The following DLGAP4 variants were observed in gnomAD, a reference collection of about 807,000 sequenced individuals.
DLGAP4 encodes the protein disks large-associated protein 4.
A neutral mutation model predicts 86.9 loss-of-function variants in DLGAP4; 18 were observed. That is an observed-to-expected ratio of 0.21 (90% CI 0.14 to 0.31). DLGAP4 has a LOEUF of 0.31. DLGAP4 is among the 10% of genes least tolerant of loss of function. DLGAP4 has a pLI of 1.00. For synonymous variants in DLGAP4, 548 were observed against 574.3 expected, an observed-to-expected ratio of 0.95 and a Z score of 0.65; for missense variants, 1,085 against 1,362.6, an observed-to-expected ratio of 0.80 and a Z score of 3.21.
chr20:36,337,513 G>T (rs1442833003), intron 1 of DLGAP4, among the ~76,000 whole-genome samples: 3 of 152,196 alleles, frequency 2.0e-5, no homozygotes, highest in Non-Finnish European at 4.4e-5. Flanking sequence ...AGATGGGCCT[G>T]AGAGGGCTGG....
At chr20:36,320,959 G>A (rs2065162046) in intron 1 of DLGAP4, among the ~76,000 whole-genome samples, 1 of 152,196 alleles carries the variant, frequency 6.6e-6, no homozygotes, top group African/African-American at 2.4e-5. Context: ...CCCCTGTGTA[G>A]TCAGTCAGCA....
chr20:36,435,683 G>T (rs1334528812), intron 3 of DLGAP4, among the ~76,000 whole-genome samples: 1 of 152,198 alleles, frequency 6.6e-6, no homozygotes, highest in African/African-American at 2.4e-5. Context: ...CCCATTCTAG[G>T]CTCAGGCTCT....
At chr20:36,338,440 C>T (rs929610219) in intron 1 of DLGAP4, among the ~76,000 whole-genome samples, 9 of 152,156 alleles carry the variant, frequency 5.9e-5, no homozygotes, top group African/African-American at 1.9e-4. Flanking sequence ...GGTGTGGTGG[C>T]GCATGCCTGT....
chr20:36,445,440 G>C (rs986534284), intron 6 of DLGAP4, among the ~76,000 whole-genome samples: 5 of 152,114 alleles, frequency 3.3e-5, no homozygotes, highest in African/African-American at 9.7e-5. Flanking sequence ...GGAGGCGGAG[G>C]TTGCAGTGAG....
intron 1 of DLGAP4, among the ~76,000 whole-genome samples, chr20:36,358,843 G>C (rs2030423129): frequency 6.6e-6 from 1 of 152,114 alleles, no homozygotes; most frequent in Admixed American, 6.6e-5. Context: ...TAACTTGAAG[G>C]TGCTGGTCAG....
chr20:36,368,524 G>A (rs2030786094), intron 2 of DLGAP4, among the ~76,000 whole-genome samples: 1 of 152,188 alleles, frequency 6.6e-6, no homozygotes, highest in African/African-American at 2.4e-5. Context: ...ACCATGAAAA[G>A]GGCCCCATTA....
intron 1 of DLGAP4, among the ~76,000 whole-genome samples, chr20:36,311,836 C>T (rs993707421): frequency 2.0e-5 from 3 of 152,164 alleles, no homozygotes; most frequent in Admixed American, 6.5e-5. Flanking sequence ...GGGCTTTGGA[C>T]GTAAGTCAGT....
intron 2 of DLGAP4, among the ~76,000 whole-genome samples, chr20:36,426,277 G>A (rs1270836718): frequency 6.6e-6 from 1 of 152,182 alleles, no homozygotes; most frequent in African/African-American, 2.4e-5. Flanking sequence ...CACTTTGGGA[G>A]GCCAAGGCAG....
intron 2 of DLGAP4, among the ~76,000 whole-genome samples, chr20:36,388,166 C>G (rs1440861067): frequency 1.3e-5 from 2 of 152,208 alleles, no homozygotes; most frequent in African/African-American, 4.8e-5. Flanking sequence ...GGCTTGATAT[C>G]TGGTAGGACA....
chr20:36,414,441 G>T (rs1402194269), intron 2 of DLGAP4, among the ~76,000 whole-genome samples: 1 of 152,194 alleles, frequency 6.6e-6, no homozygotes, highest in Non-Finnish European at 1.5e-5. Context: ...TACCAGGGTG[G>T]TTTTTGGTAT....
rs571434642 is a variant in DLGAP4 at position 36,390,905 on chromosome 20, A to C, written c.-73+23630A>C. On this transcript the variant is annotated intron_variant, in intron 2 of 12. Transcript: ENST00000339266. Reference sequence around the variant, plus strand: ...GAGCCCTGATCCCTTCTCTAGGTTGAACCTTGACCCTGACCCCAGACTGGG... The same window carrying C: ...GAGCCCTGATCCCTTCTCTAGGTTGCACCTTGACCCTGACCCCAGACTGGG... 5.3e-5 allele frequency among the ~76,000 whole-genome samples: 8 copies of C among 152,070 alleles called. No individual in the cohort carries two copies. In the East Asian group the frequency reaches 1.5e-3, roughly 29 times the overall value.
Position 36,497,015 on chromosome 20 carries a change from G to A in DLGAP4, c.1959G>A (p.Glu653=). ...KSEQGTLTSS[E]SHPEAAPKRK... is the part of the protein sequence containing the mutation. ...AACAAGGGACGCTGACCAGCTCTGA[G>A]TCCCACCCCGAGGCCGCCCCCAAAA... The change falls in exon 8 of 13, where the codon GAG becomes GAA. Residue 653 remains glutamate, a synonymous_variant. Coordinates refer to ENST00000339266, the MANE Select transcript of DLGAP4 (RefSeq NM_001365621.2). The A allele has an allele frequency of 6.2e-7, 1 of 1,612,674 alleles. No homozygotes were observed. The highest frequency in any genetic ancestry group is 1.1e-5 in the South Asian group (1 of 91,036).
At chr20:36,313,684 C>T (rs1332996390) in intron 1 of DLGAP4, among the ~76,000 whole-genome samples, 1 of 150,874 alleles carries the variant, frequency 6.6e-6, no homozygotes, top group African/African-American at 2.4e-5. Flanking sequence ...TTTCCATGGG[C>T]ACACCCTGCA....
intron 2 of DLGAP4, among the ~76,000 whole-genome samples, chr20:36,425,487 T>C (rs2032949260): frequency 1.3e-5 from 2 of 152,170 alleles, no homozygotes; most frequent in South Asian, 2.1e-4. Flanking sequence ...GGGAACGTCA[T>C]ATGGTGCAGC....
chr20:36,501,814 C>T (rs183394748), intron 10 of DLGAP4, among the ~76,000 whole-genome samples: 28 of 152,252 alleles, frequency 1.8e-4, no homozygotes, highest in African/African-American at 6.5e-4. Flanking sequence ...GCCAGTTCCC[C>T]GCTTTGATGT....
Position 36,446,955 on chromosome 20 carries a change from G to A in DLGAP4, c.1648+18G>A. ...GCTTCCGAGTGAGTACTGTGATGAG[G>A]GAAGGGGTTTTTTTTCTTTTCAAGG... On this transcript the variant is annotated intron_variant, in intron 7 of 12. Coordinates refer to ENST00000339266, the MANE Select transcript of DLGAP4 (RefSeq NM_001365621.2). 1 of 1,585,520 alleles carries A rather than the reference G, an allele frequency of 6.3e-7. No individual in the cohort carries two copies.
chr20:36,500,545 G>C lies in DLGAP4; in HGVS notation c.2446G>C (p.Glu816Gln), dbSNP rs958736636. 1 of 1,542,538 alleles carries C rather than the reference G, an allele frequency of 6.5e-7. No homozygotes were observed. Among genetic ancestry groups the C allele is most frequent in the Non-Finnish European group, 8.7e-7 (1 of 1,147,608 alleles). The change falls in exon 10 of 13, where the codon GAG becomes CAG. Residue 816 changes from glutamate to glutamine, a missense_variant. Glu to Gln is a conservative substitution (Grantham distance 29). Coordinates refer to ENST00000339266, the MANE Select transcript of DLGAP4 (RefSeq NM_001365621.2). This position sits in a 1 kb window ranked among gnomAD's most constrained non-coding sequence, Gnocchi z 4.6. ...CCTAAAGCTACTGCAGGCAGAAACA[G>C]AGCGGCTGGAAGGCTGGTGCTGCCA... ...WFLKLLQAET[E>Q]RLEGWCCQMD...
chr20:36,430,048 G>A (rs772392984), intron 2 of DLGAP4, among the ~76,000 whole-genome samples: 3 of 152,200 alleles, frequency 2.0e-5, no homozygotes, highest in African/African-American at 4.8e-5. Context: ...GTACAGGGCC[G>A]GTGGGCTTAG....
At chr20:36,425,482 C>T (rs1044295300) in intron 2 of DLGAP4, among the ~76,000 whole-genome samples, 3 of 152,086 alleles carry the variant, frequency 2.0e-5, no homozygotes, top group Non-Finnish European at 2.9e-5. Context: ...CTGGTGGGAA[C>T]GTCATATGGT....
Sources: gnomAD v4.1 joint callset for allele counts (sites outside exome capture counted in the v4.1 genomes callset) on GRCh38, gnomAD v4.1.1 for gene constraint, Gnocchi (gnomAD v3.1) non-coding constraint, MANE v1.5 for transcripts, NCBI Gene and HGNC (gene_info 2026-07-23, HGNC 2026-07-21) for gene names.